LHFPL3: variants seen among roughly 807,000 people sequenced by gnomAD.
LHFPL3 encodes the protein LHFPL tetraspan subfamily member 3 protein.
In LHFPL3, 5 loss-of-function variants were observed where a neutral mutation model predicts 19.3. The observed-to-expected ratio is 0.26, with a 90% CI of 0.14 to 0.54. LHFPL3 has a LOEUF of 0.54. Among genes scored for constraint, LHFPL3 ranks in the 20% least tolerant of loss-of-function variants. The pLI is 0.94. For synonymous variants in LHFPL3, 133 were observed against 126.2 expected (o/e 1.05, Z -0.36); for missense variants, 249 against 307.4 (o/e 0.81, Z 1.42).
chr7:104,496,859 T>A (rs1793493048), intron 1 of LHFPL3, among the ~76,000 whole-genome samples: 1 of 152,198 alleles, frequency 6.6e-6, no homozygotes, highest in Non-Finnish European at 1.5e-5. Context: ...ATTTGTGGGA[T>A]CCCTTCCTCC....
At chr7:104,796,186 C>T (rs1033095151) in intron 2 of LHFPL3, among the ~76,000 whole-genome samples, 1 of 152,192 alleles carries the variant, frequency 6.6e-6, no homozygotes, top group African/African-American at 2.4e-5. Flanking sequence ...CACAACGCTC[C>T]TGGTGACAGC....
chr7:104,890,065 G>C (rs369386981), intron 2 of LHFPL3, among the ~76,000 whole-genome samples: 3 of 152,232 alleles, frequency 2.0e-5, no homozygotes, highest in East Asian at 3.9e-4. Context: ...TTGTGAGATC[G>C]AGGCAGGAGG....
rs1161566123 is a variant in LHFPL3, at chr7:104,362,532, C to G, written c.445+33308C>G. Reference sequence around the variant, plus strand: ...AAGTCACTTAGTAAGTGTTAGGATGCTGATCCAGGTCTGCCTAACAGCAAA... The same window carrying G: ...AAGTCACTTAGTAAGTGTTAGGATGGTGATCCAGGTCTGCCTAACAGCAAA... On this transcript the variant is annotated intron_variant, in intron 1 of 2. Coordinates refer to ENST00000424859, the MANE Select transcript of LHFPL3 (RefSeq NM_199000.3). Among the ~76,000 whole-genome samples the G allele has an allele frequency of 2.0e-5, 3 of 152,172 alleles. No homozygotes were observed. The East Asian group carries it at 5.8e-4, about 29-fold the overall frequency.
intron 1 of LHFPL3, among the ~76,000 whole-genome samples, chr7:104,621,525 A>G (rs1791445303): frequency 6.6e-6 from 1 of 152,234 alleles, no homozygotes; most frequent in Admixed American, 6.5e-5. Flanking sequence ...GAGGACGCCC[A>G]GGAGCTCAGA....
intron 1 of LHFPL3, among the ~76,000 whole-genome samples, chr7:104,442,496 A>G (rs1792246879): frequency 6.6e-6 from 1 of 152,208 alleles, no homozygotes; most frequent in Non-Finnish European, 1.5e-5. Context: ...AAAATCTAGA[A>G]GAAAATATGT....
intron 1 of LHFPL3, among the ~76,000 whole-genome samples, chr7:104,540,931 G>C (rs1409929356): frequency 6.6e-6 from 1 of 152,100 alleles, no homozygotes; most frequent in Non-Finnish European, 1.5e-5. Flanking sequence ...TAAATGCAAC[G>C]AACTCTGCCA....
chr7:104,907,363 C>T lies in LHFPL3; in HGVS notation c.*1148C>T, dbSNP rs371220571. 2.0e-5 allele frequency: 3 copies of T among 151,896 alleles called. No individual in the cohort carries two copies. Among genetic ancestry groups the T allele is most frequent in the Non-Finnish European group, 2.9e-5 (2 of 67,960 alleles). The allele number at this position is 151,896 out of a possible 1,614,324, so 9.4% of individuals were successfully genotyped here. A position where few individuals can be genotyped will look rare whatever the true frequency, so the allele number is the denominator to read the frequency against. On this transcript the variant is annotated 3_prime_UTR_variant, in exon 3 of 3. Transcript: ENST00000424859. ...ATACTTATACAGGTTGAAAAAAACTCGGTAGGAATAAGTTACCTTTTTGTT... is the reference window on the plus strand; with the variant it reads ...ATACTTATACAGGTTGAAAAAAACTTGGTAGGAATAAGTTACCTTTTTGTT...
intron 2 of LHFPL3, among the ~76,000 whole-genome samples, chr7:104,898,501 G>A (rs1584605329): frequency 6.6e-6 from 1 of 152,226 alleles, no homozygotes; most frequent in East Asian, 1.9e-4. Flanking sequence ...AACTTCTCTT[G>A]TCTTTATGAC....
chr7:104,378,165 G>A (rs1737195963), intron 1 of LHFPL3, among the ~76,000 whole-genome samples: 1 of 152,182 alleles, frequency 6.6e-6, no homozygotes, highest in Middle Eastern at 3.4e-3. Context: ...GGTACATGAG[G>A]TACCTTAATA....
chr7:104,900,009 G>A (rs553846870), intron 2 of LHFPL3, among the ~76,000 whole-genome samples: 6 of 152,324 alleles, frequency 3.9e-5, no homozygotes, highest in Admixed American at 6.5e-5. Context: ...TGGGATTACA[G>A]GCGTGAGCCA....
chr7:104,378,696 A>G (rs980756968), intron 1 of LHFPL3, among the ~76,000 whole-genome samples: 3 of 152,138 alleles, frequency 2.0e-5, no homozygotes, highest in Non-Finnish European at 4.4e-5. Context: ...TAGACATTCC[A>G]TGGGTGTACT....
intron 1 of LHFPL3, among the ~76,000 whole-genome samples, chr7:104,509,052 T>C (rs942617711): frequency 6.6e-6 from 1 of 152,022 alleles, no homozygotes; most frequent in African/African-American, 2.4e-5. Flanking sequence ...TCAAGCAATA[T>C]GAATTAGATA....
At chr7:104,869,115 T>C (rs1791785384) in intron 2 of LHFPL3, among the ~76,000 whole-genome samples, 1 of 152,088 alleles carries the variant, frequency 6.6e-6, no homozygotes, top group Admixed American at 6.5e-5. Context: ...CCTAAAACCA[T>C]AAAAACCCTA....
At chr7:104,350,896 T>C (rs530974092) in intron 1 of LHFPL3, among the ~76,000 whole-genome samples, 67 of 152,088 alleles carry the variant, frequency 4.4e-4, no homozygotes, top group African/African-American at 1.5e-3. Context: ...AAACATTAGC[T>C]GAGAGTGGTG....
intron 2 of LHFPL3, among the ~76,000 whole-genome samples, chr7:104,882,667 A>G (rs138321635): frequency 3.7e-3 from 571 of 152,302 alleles, no homozygotes; most frequent in Non-Finnish European, 6.2e-3. Context: ...GACAGTAGGT[A>G]TGGGGTTTTC....
At chr7:104,544,995 T>G (rs1257170916) in intron 1 of LHFPL3, among the ~76,000 whole-genome samples, 2 of 152,198 alleles carry the variant, frequency 1.3e-5, no homozygotes, top group Non-Finnish European at 2.9e-5. Flanking sequence ...TCGTAAGGAT[T>G]TATGCCAAAA....
chr7:104,676,239 C>G (rs1032055634), intron 1 of LHFPL3, among the ~76,000 whole-genome samples: 2 of 152,164 alleles, frequency 1.3e-5, no homozygotes, highest in African/African-American at 2.4e-5. Flanking sequence ...CATATTAAAT[C>G]TAAAGGCAAA....
At chr7:104,621,254 G>C (rs76436505) in intron 1 of LHFPL3, among the ~76,000 whole-genome samples, 1 of 152,146 alleles carries the variant, frequency 6.6e-6, no homozygotes, top group Non-Finnish European at 1.5e-5. Flanking sequence ...TTGAATCGGG[G>C]TTTTCTCCCT....
intron 1 of LHFPL3, among the ~76,000 whole-genome samples, chr7:104,713,535 T>A (rs1448535895): frequency 5.3e-5 from 8 of 152,084 alleles, no homozygotes; most frequent in Admixed American, 4.6e-4. Context: ...ACTCACTCAC[T>A]ATCACAAGAG....
Sources: allele counts gnomAD v4.1 joint callset (sites outside exome capture counted in the v4.1 genomes callset), GRCh38; gene constraint gnomAD v4.1.1; transcripts MANE v1.5; gene names NCBI Gene and HGNC (gene_info 2026-07-23, HGNC 2026-07-21).